ALDH3B2: variants seen among roughly 807,000 people sequenced by gnomAD.
The protein encoded by ALDH3B2 is aldehyde dehydrogenase family 3 member B2.
Under a neutral mutation model 36.7 loss-of-function variants are expected in ALDH3B2, and 45 were observed. The observed-to-expected ratio is 1.23, with a 90% CI of 0.97 to 1.57. The LOEUF (loss-of-function observed/expected upper bound fraction) is 1.57, where lower values mean the gene tolerates loss of function less well. Ranked by LOEUF, ALDH3B2 falls within the 40% of genes most tolerant of loss-of-function variation. The pLI is 0.00. For synonymous variants in ALDH3B2, 217 were observed against 226.5 expected (o/e 0.96, Z 0.38); for missense variants, 464 against 513.3 (o/e 0.90, Z 0.93).
intron 1 of ALDH3B2, among the ~76,000 whole-genome samples, chr11:67,674,039 G>T (rs759190243): frequency 6.6e-6 from 1 of 152,182 alleles, no homozygotes; most frequent in Admixed American, 6.5e-5. Context: ...TCCAATCCCC[G>T]ATTCTCCGGC....
upstream of ALDH3B2, among the ~76,000 whole-genome samples, chr11:67,675,260 G>A (rs1033774636): frequency 6.6e-6 from 1 of 152,144 alleles, no homozygotes; most frequent in African/African-American, 2.4e-5. Flanking sequence ...TGAGCCTTTC[G>A]GAAGTAACAA....
rs372811525 is a variant in ALDH3B2, at chr11:67,665,265, G to A, written c.706+20C>T. ...AAGGGTCTTGGCCCAGGTGGGCTGC[G>A]GTAGGGCAGCAGGACTCACCGATGT... On this transcript the variant is annotated intron_variant, in intron 7 of 9. Transcript: ENST00000349015. 6.9e-4 allele frequency: 1,086 copies of A among 1,580,914 alleles called. 3 individuals carry two copies. Among genetic ancestry groups the A allele is most frequent in the Non-Finnish European group, 6.2e-4 (717 of 1,162,000 alleles).
chr11:67,665,979 A>G lies in ALDH3B2; in HGVS notation c.319+143T>C, dbSNP rs1029994030. ...CTGCAATGTGCCCAGGGCGTGGCCTATGCAGGCAGACGGACTCTGTGCCAG... is the reference window on the plus strand; with the variant it reads ...CTGCAATGTGCCCAGGGCGTGGCCTGTGCAGGCAGACGGACTCTGTGCCAG... On this transcript the variant is annotated intron_variant, in intron 6 of 9. Transcript: ENST00000349015. 13 of 1,165,268 alleles carry G rather than the reference A, an allele frequency of 1.1e-5. No homozygotes were observed. The East Asian group carries it at 3.1e-4, about 28-fold the overall frequency. 72.2% of individuals were successfully genotyped at this position (1,165,268 alleles called of 1,614,324 possible).
chr11:67,673,683 C>T (rs1390038778), intron 1 of ALDH3B2: 1 of 152,252 alleles, frequency 6.6e-6, no homozygotes, highest in Non-Finnish European at 1.5e-5. Flanking sequence ...CATCTGGGGC[C>T]AGGTAGCTGG....
intron 1 of ALDH3B2, among the ~76,000 whole-genome samples, chr11:67,671,990 C>A (rs1449253252): frequency 6.9e-6 from 1 of 145,200 alleles, no homozygotes; most frequent in African/African-American, 2.6e-5. Context: ...ACCCTCACCC[C>A]CACCCCCTGC....
At chr11:67,681,149 T>C (rs2134165779) in intron 1 of ALDH3B2, 1 of 152,384 alleles carries the variant, frequency 6.6e-6, no homozygotes, top group South Asian at 2.1e-4. Flanking sequence ...CAGTTTAGCA[T>C]GGCTAGGGAG....
chr11:67,665,531 A>C (rs1357391174), exon 7 of ALDH3B2: 2 of 1,613,698 alleles, frequency 1.2e-6, no homozygotes, highest in African/African-American at 2.7e-5. Flanking sequence ...AAGTAGCAGA[A>C]CCAGGCCACG....
rs144904793 is a variant in ALDH3B2 at position 67,664,177 on chromosome 11, G to C, written c.873+219C>G. 1,448 of 695,790 alleles carry C rather than the reference G, an allele frequency of 2.1e-3. 18 individuals are homozygous for C. In the African/African-American group the frequency reaches 0.024, roughly 11 times the overall value. The allele number at this position is 695,790 out of a possible 1,614,324, so 43.1% of individuals were successfully genotyped here. A position where few individuals can be genotyped will look rare whatever the true frequency, so the allele number is the denominator to read the frequency against. On this transcript the variant is annotated intron_variant, in intron 8 of 9. Transcript: ENST00000349015. Reference sequence around the variant, plus strand: ...GTCCAAGTGCAGGCTGCTCTGGCCAGGACAGAGGATGGACCCGCTAAGTGT... The same window carrying C: ...GTCCAAGTGCAGGCTGCTCTGGCCACGACAGAGGATGGACCCGCTAAGTGT...
At chr11:67,669,804 C>T (rs1238208095) in intron 1 of ALDH3B2, among the ~76,000 whole-genome samples, 1 of 20,884 alleles carries the variant, frequency 4.8e-5, no homozygotes, top group Non-Finnish European at 9.5e-5. Context: ...GTGTGTGTGT[C>T]CACGTGTGTC....
chr11:67,676,125 T>C (rs1460585215), upstream of ALDH3B2, among the ~76,000 whole-genome samples: 1 of 152,112 alleles, frequency 6.6e-6, no homozygotes. Flanking sequence ...CATGTGCCTG[T>C]AATCCCAGCT....
In ALDH3B2 at chr11:67,666,469, C is replaced by G. The variant is rs534486871; in HGVS notation, c.152-68G>C. 9.4e-6 allele frequency: 15 copies of G among 1,603,612 alleles called. No homozygotes were observed. The South Asian group carries it at 1.7e-4, about 18-fold the overall frequency. On this transcript the variant is annotated intron_variant, in intron 4 of 9. Coordinates refer to ENST00000349015, the Ensembl canonical transcript of ALDH3B2. ...CCCATGCCCAACCAGGGGCTGGGCT[C>G]AGAGGGCATGTGAGGCCCAGGGTAC...
At chr11:67,671,703 C>A (rs756764753) in intron 1 of ALDH3B2, among the ~76,000 whole-genome samples, 1 of 151,736 alleles carries the variant, frequency 6.6e-6, no homozygotes, top group African/African-American at 2.4e-5. Flanking sequence ...TGCACCACCA[C>A]GCCCAAATAA....
At chr11:67,665,493 A>G (rs1855877378) in exon 7 of ALDH3B2, 6 of 1,613,916 alleles carry the variant, frequency 3.7e-6, no homozygotes, top group African/African-American at 1.3e-5. Context: ...GGACGTAGTC[A>G]GGGGCCACGC....
chr11:67,663,818 C>T, intron 8 of ALDH3B2, 57 bp from the exon 9 acceptor site: 1 of 1,471,672 alleles, frequency 6.8e-7, no homozygotes. Flanking sequence ...AGGGCTTGAG[C>T]CCCGCACATT....
rs151284528 is a variant in ALDH3B2 at position 67,670,601 on chromosome 11, C to T, written c.-244-2966G>A. Among the ~76,000 whole-genome samples, 212 of 152,276 alleles carry T rather than the reference C, an allele frequency of 1.4e-3. 1 individual carries two copies. The highest frequency in any genetic ancestry group is 0.01 in the Middle Eastern group (3 of 294). Reference sequence around the variant, plus strand: ...GGACAGTGCTCGCCCATGGACAGAGCCAGCTGAACCAATGGCAGAAGTCCG... The same window carrying T: ...GGACAGTGCTCGCCCATGGACAGAGTCAGCTGAACCAATGGCAGAAGTCCG... On this transcript the variant is annotated intron_variant, in intron 1 of 9. Transcript: ENST00000349015.
chr11:67,663,890 C>A (rs550915491), intron 8 of ALDH3B2, 129 bp from the exon 9 acceptor site: 16 of 726,334 alleles, frequency 2.2e-5, no homozygotes, highest in Non-Finnish European at 3.5e-5. Flanking sequence ...CAATAATCTC[C>A]GCTCTAAGCA....
At chr11:67,666,849 G>T in intron 3 of ALDH3B2, 57 bp downstream of exon 3, 1 of 1,613,572 alleles carries the variant, frequency 6.2e-7, no homozygotes, top group East Asian at 2.2e-5. Flanking sequence ...AGGGGGCCTG[G>T]GCCAGAGCTA....
intron 7 of ALDH3B2, 108 bp from the exon 8 acceptor site, chr11:67,664,670 C>T: frequency 6.8e-7 from 1 of 1,461,482 alleles, no homozygotes; most frequent in Admixed American, 2.3e-5. Context: ...GGCCAGGATC[C>T]CAAGGTCTGA....
In ALDH3B2 at chr11:67,668,842, T is replaced by A. The variant is rs568152098; in HGVS notation, c.-244-1207A>T. ...CTTTGTGTGTATGGGTGTCTGTGTG[T>A]GTCTGTGTATGTATGGGTGCTGTGT... is the stretch of plus-strand genomic sequence containing the variant. On this transcript the variant is annotated intron_variant, in intron 1 of 9. Transcript: ENST00000349015. 5.8e-4 allele frequency among the ~76,000 whole-genome samples: 87 copies of A among 149,290 alleles called. 3 individuals are homozygous for A. The South Asian group carries it at 0.018, about 31-fold the overall frequency.
Sources: allele counts gnomAD v4.1 joint callset (sites outside exome capture counted in the v4.1 genomes callset), GRCh38; gene constraint gnomAD v4.1.1; transcripts MANE v1.5; gene names NCBI Gene and HGNC (gene_info 2026-07-23, HGNC 2026-07-21).